The following BEND7 variants were observed in gnomAD, a reference collection of about 807,000 sequenced individuals.
BEND7 encodes BEN domain containing 7.
In BEND7, 28 loss-of-function variants were observed where a neutral mutation model predicts 50.9. The observed-to-expected ratio is 0.55, with a 90% confidence interval of 0.41 to 0.75. The LOEUF (loss-of-function observed/expected upper bound fraction) is 0.75. Among genes scored for constraint, BEND7 ranks in the 30% least tolerant of loss-of-function variants. The pLI is 0.00. For missense variants in BEND7, 477 were observed against 491.3 expected (o/e 0.97, Z 0.28); for synonymous variants, 170 against 183.9 (o/e 0.92, Z 0.61).
intron 6 of BEND7, among the ~76,000 whole-genome samples, chr10:13,458,748 G>A (rs1264827830): frequency 6.6e-6 from 1 of 152,244 alleles, no homozygotes; most frequent in Non-Finnish European, 1.5e-5. Context: ...CAAGCAGAGG[G>A]ACCCAACTGG....
At chr10:13,471,757 G>A (rs2074854481) in intron 6 of BEND7, among the ~76,000 whole-genome samples, 3 of 152,244 alleles carry the variant, frequency 2.0e-5, no homozygotes, top group Non-Finnish European at 4.4e-5. Flanking sequence ...GACAGAGGTG[G>A]AGCCACCTTC....
At position 13,527,122 on chromosome 10, in the gene BEND7, G is replaced by C. The variant is rs1367556836; in HGVS notation, c.62-901C>G. Among the ~76,000 whole-genome samples, 2 of 152,130 alleles carry C rather than the reference G, an allele frequency of 1.3e-5. 1 individual carries two copies. The highest frequency in any genetic ancestry group is 4.1e-4 in the South Asian group (2 of 4,830). On this transcript the variant is annotated intron_variant, in intron 1 of 8. Transcript: ENST00000466271. Reference sequence around the variant, plus strand: ...TTAAGTTCTCTGAGGTCATCAATAAGAAAGCAGCTTACATTCCTGAATGAA... The same window carrying C: ...TTAAGTTCTCTGAGGTCATCAATAACAAAGCAGCTTACATTCCTGAATGAA...
chr10:13,500,227 G>C, intron 2 of BEND7, 147 bp from the exon 3 acceptor site: 2 of 750,794 alleles, frequency 2.7e-6, no homozygotes, highest in Non-Finnish European at 4.1e-6. Flanking sequence ...AAACGCAAAG[G>C]CAGGAAAACT....
rs140096381 is a variant in BEND7, at chr10:13,513,901, G to T, written c.145+12237C>A. On this transcript the variant is annotated intron_variant, in intron 2 of 8. Coordinates refer to ENST00000466271, the MANE Select transcript of BEND7 (RefSeq NM_001369863.1). Reference sequence around the variant, plus strand: ...GGTCTGGCTGCACATGAGAACCACTGGGGCAACTTTTAAAAAATAAAAGTG... The same window carrying T: ...GGTCTGGCTGCACATGAGAACCACTTGGGCAACTTTTAAAAAATAAAAGTG... 2.5e-3 allele frequency among the ~76,000 whole-genome samples: 382 copies of T among 152,246 alleles called. 5 individuals carry two copies. Among genetic ancestry groups the T allele is most frequent in the African/African-American group, 8.9e-3 (368 of 41,526 alleles).
At chr10:13,447,404 T>G (rs1007353423) in intron 7 of BEND7, 88 bp from the exon 8 acceptor site, 3 of 1,340,506 alleles carry the variant, frequency 2.2e-6, no homozygotes, top group Non-Finnish European at 3.2e-6. Flanking sequence ...TTTTAAAAAC[T>G]CCAGTATACA....
chr10:13,505,516 T>G (rs1419278730), intron 2 of BEND7, among the ~76,000 whole-genome samples: 1 of 152,222 alleles, frequency 6.6e-6, no homozygotes, highest in Non-Finnish European at 1.5e-5. Context: ...CCTGCGTGTG[T>G]GTGGCCTCCA....
intron 2 of BEND7, among the ~76,000 whole-genome samples, chr10:13,517,808 C>T (rs934525876): frequency 5.9e-5 from 9 of 152,278 alleles, no homozygotes; most frequent in South Asian, 2.1e-4. Flanking sequence ...TCTCAGGAGC[C>T]GAAAGGCACC....
At chr10:13,439,223 C>G (rs149335647), downstream of BEND7, 6 of 1,613,956 alleles carry the variant, frequency 3.7e-6, no homozygotes, top group African/African-American at 8.0e-5. Context: ...CTGAGCCTGG[C>G]GTGGGAAAGT....
chr10:13,447,161 T>G, intron 8 of BEND7, 105 bp downstream of exon 8: 1 of 1,189,274 alleles, frequency 8.4e-7, no homozygotes, highest in Non-Finnish European at 1.3e-6. Context: ...AGAAGCAGTT[T>G]GCTCAAGTGT....
intron 6 of BEND7, 137 bp from the exon 7 acceptor site, chr10:13,452,795 GTAT>G (rs1440969323): frequency 6.7e-6 from 5 of 750,474 alleles, no homozygotes. Flanking sequence ...TTCGGTATCT[GTAT>G]TATATTTGTT....
intron 3 of BEND7, 108 bp from the exon 4 acceptor site, chr10:13,496,996 C>A: frequency 7.5e-7 from 1 of 1,335,172 alleles, no homozygotes. Flanking sequence ...GATTTTGAAG[C>A]ATGTGCAATT....
intron 6 of BEND7, among the ~76,000 whole-genome samples, chr10:13,455,029 G>A (rs546915395): frequency 5.9e-5 from 9 of 152,180 alleles, no homozygotes; most frequent in East Asian, 1.9e-4. Context: ...AACATTAGCC[G>A]GGCATGGTGG....
chr10:13,465,531 T>G (rs1008648446), intron 6 of BEND7, among the ~76,000 whole-genome samples: 1 of 152,164 alleles, frequency 6.6e-6, no homozygotes, highest in African/African-American at 2.4e-5. Context: ...AGCTGGCTGA[T>G]GTAATGAAAA....
At chr10:13,523,536 C>T (rs1474408203) in intron 2 of BEND7, among the ~76,000 whole-genome samples, 2 of 152,182 alleles carry the variant, frequency 1.3e-5, no homozygotes, top group African/African-American at 4.8e-5. Context: ...ATCCTATAGA[C>T]CATCCCTGGG....
intron 7 of BEND7, among the ~76,000 whole-genome samples, chr10:13,451,716 C>T (rs567835454): frequency 1.3e-5 from 2 of 151,124 alleles, no homozygotes; most frequent in East Asian, 2.0e-4. Flanking sequence ...CCCATTAACT[C>T]GTCATTTAAC....
At chr10:13,438,941 A>G, downstream of BEND7, 1 of 500,224 alleles carries the variant, frequency 2.0e-6, no homozygotes, top group Non-Finnish European at 3.6e-6. Flanking sequence ...ACTTCTGGTA[A>G]CTGGCAGCAC....
In BEND7 at chr10:13,517,269, G is replaced by A. The variant is rs73572321; in HGVS notation, c.145+8869C>T. 6.0e-3 allele frequency among the ~76,000 whole-genome samples: 913 copies of A among 151,940 alleles called. 13 individuals are homozygous for A. The highest frequency in any genetic ancestry group is 0.021 in the African/African-American group (877 of 41,402). On this transcript the variant is annotated intron_variant, in intron 2 of 8. Transcript: ENST00000466271. The stretch of plus-strand genomic sequence containing the variant: ...GAATTTTTTTTTTTGCAGAAGAGTG[G>A]TAAGCATGTCAATGAGGTGAGGAAG...
chr10:13,470,640 T>A (rs2074719601), intron 6 of BEND7, among the ~76,000 whole-genome samples: 1 of 152,166 alleles, frequency 6.6e-6, no homozygotes, highest in African/African-American at 2.4e-5. Flanking sequence ...TTTGAGGAGA[T>A]GAGATCCCTT....
chr10:13,448,048 A>G (rs1042896368), intron 7 of BEND7, among the ~76,000 whole-genome samples: 3 of 152,192 alleles, frequency 2.0e-5, no homozygotes, highest in Non-Finnish European at 2.9e-5. Context: ...AGAACTGCCA[A>G]TCTAACTCTG....
Sources: allele counts gnomAD v4.1 joint callset (sites outside exome capture counted in the v4.1 genomes callset), GRCh38; gene constraint gnomAD v4.1.1; transcripts MANE v1.5; gene names NCBI Gene and HGNC (gene_info 2026-07-23, HGNC 2026-07-21).